The following STS variants were observed in gnomAD, a reference collection of about 807,000 sequenced individuals.
STS encodes steryl-sulfatase.
STS carries 7 observed loss-of-function variants against 26.8 expected under a neutral mutation model. The observed-to-expected ratio is 0.26, with a 90% CI of 0.15 to 0.49. The LOEUF is 0.49. Among genes scored for constraint, STS ranks in the 20% least tolerant of loss-of-function variants. The probability of loss-of-function intolerance (pLI) is 0.98; values close to 1 mark genes in which losing one functional copy is unlikely to be tolerated. For missense variants in STS, 434 were observed against 465.6 expected, an observed-to-expected ratio of 0.93 and a Z score of 0.63; for synonymous variants, 199 against 189.4, an observed-to-expected ratio of 1.05 and a Z score of -0.42.
At chrX:7,299,507 T>C (rs1455835967) in intron 7 of STS, among the ~76,000 whole-genome samples, 1 of 106,539 alleles carries the variant, frequency 9.4e-6, no homozygotes, top group African/African-American at 3.4e-5. Context: ...ATAAAACATA[T>C]CTATGTTATA....
intron 1 of STS, among the ~76,000 whole-genome samples, chrX:7,181,120 A>C (rs778177392): frequency 1.8e-5 from 2 of 112,273 alleles, no homozygotes; most frequent in South Asian, 3.7e-4. Context: ...GTAGTCCTTA[A>C]CCACTTACAC....
At chrX:7,215,086 C>T (rs1296760863) in intron 2 of STS, among the ~76,000 whole-genome samples, 4 of 83,508 alleles carry the variant, frequency 4.8e-5, no homozygotes, top group Admixed American at 4.5e-4. Context: ...TATATGTATA[C>T]GTATATATGT....
At chrX:7,204,757 C>G (rs1934164501) in intron 2 of STS, among the ~76,000 whole-genome samples, 1 of 102,883 alleles carries the variant, frequency 9.7e-6, no homozygotes, top group Non-Finnish European at 2.0e-5. Context: ...TTTCTTCCCT[C>G]TCTCTCCCTC....
intron 9 of STS, among the ~76,000 whole-genome samples, chrX:7,326,935 C>T (rs1927506338): frequency 8.9e-6 from 1 of 111,943 alleles, no homozygotes; most frequent in Admixed American, 9.5e-5. Flanking sequence ...GACACACACA[C>T]CAATGAGAAA....
In STS at chrX:7,324,592, TACAA is replaced by T. The variant is rs1265281717; in HGVS notation, c.1082-743_1082-740del. ...ATCTGTCGTGTTGGTATCTTATGGCTACAAACAGTCTGTTTTGTCAGTCTTAAGG... is the reference window on the plus strand; with the variant it reads ...ATCTGTCGTGTTGGTATCTTATGGCTACAGTCTGTTTTGTCAGTCTTAAGG... On this transcript the variant is annotated intron_variant, in intron 8 of 10. Transcript: ENST00000674429. 5.4e-5 allele frequency among the ~76,000 whole-genome samples: 6 copies of T among 111,717 alleles called. No homozygotes were observed. In the East Asian group the frequency reaches 1.7e-3, roughly 32 times the overall value.
At chrX:7,209,922 A>G (rs1370557605) in intron 2 of STS, among the ~76,000 whole-genome samples, 3 of 111,430 alleles carry the variant, frequency 2.7e-5, no homozygotes, top group African/African-American at 6.5e-5. Flanking sequence ...GACGGCTTCC[A>G]GCTTCACCTG....
chrX:7,323,014 A>G (rs773693300), intron 8 of STS, among the ~76,000 whole-genome samples: 24 of 111,948 alleles, frequency 2.1e-4, no homozygotes, highest in Non-Finnish European at 3.9e-4. Flanking sequence ...AAATAATACC[A>G]ACGAAGATAA....
intron 8 of STS, among the ~76,000 whole-genome samples, chrX:7,308,836 A>G (rs1299033377): frequency 1.8e-5 from 2 of 111,554 alleles, no homozygotes; most frequent in African/African-American, 6.5e-5. Context: ...TAGGCTTCTG[A>G]GTGTCAAGTG....
At chrX:7,221,466 T>A (rs776416387) in intron 2 of STS, among the ~76,000 whole-genome samples, 1 of 112,232 alleles carries the variant, frequency 8.9e-6, no homozygotes, top group East Asian at 2.8e-4. Flanking sequence ...TTAGATGCTG[T>A]AACACATGAT....
chrX:7,194,501 C>T (rs141393839), intron 2 of STS, among the ~76,000 whole-genome samples: 1 of 111,254 alleles, frequency 9.0e-6, no homozygotes, highest in Non-Finnish European at 1.9e-5. Flanking sequence ...ATGCAGGTCC[C>T]TCCCACAAGT....
At chrX:7,201,224 AGATT>A (rs1482930128) in intron 2 of STS, among the ~76,000 whole-genome samples, 1 of 111,683 alleles carries the variant, frequency 9.0e-6, no homozygotes, top group Non-Finnish European at 1.9e-5. Context: ...ATAGATATCT[AGATT>A]GATATATAGG....
intron 8 of STS, among the ~76,000 whole-genome samples, chrX:7,317,530 G>A (rs1204747372): frequency 4.5e-5 from 5 of 111,654 alleles, no homozygotes; most frequent in Admixed American, 9.5e-5. Context: ...GTGCAGTGGC[G>A]TGATCACAGC....
intron 2 of STS, among the ~76,000 whole-genome samples, chrX:7,194,545 G>A (rs901091186): frequency 4.1e-4 from 45 of 110,944 alleles, no homozygotes; most frequent in African/African-American, 1.4e-3. Flanking sequence ...TTTTACAAAG[G>A]TGGTTTTGGT....
chrX:7,277,799 C>G (rs1360316656), intron 7 of STS, among the ~76,000 whole-genome samples: 1 of 112,196 alleles, frequency 8.9e-6, no homozygotes, highest in African/African-American at 3.2e-5. Flanking sequence ...AAGCCTGCCT[C>G]CTTTTATTTT....
chrX:7,148,196 T>C, intron 1 of STS, 113 bp downstream of exon 1: 3 of 613,183 alleles, frequency 4.9e-6, no homozygotes, highest in Non-Finnish European at 7.0e-6. Context: ...CTGAGGACCT[T>C]CTCGCGCGCC....
chrX:7,194,775 T>C (rs930715109), intron 2 of STS, among the ~76,000 whole-genome samples: 2 of 112,042 alleles, frequency 1.8e-5, no homozygotes, highest in African/African-American at 6.5e-5. Flanking sequence ...ATTGCTTTGT[T>C]ACGTGATACA....
At chrX:7,199,284 C>T (rs1339877703) in intron 2 of STS, among the ~76,000 whole-genome samples, 1 of 111,337 alleles carries the variant, frequency 9.0e-6, no homozygotes, top group Non-Finnish European at 1.9e-5. Context: ...AATGAAGTGT[C>T]CAAAATTAGA....
intron 1 of STS, among the ~76,000 whole-genome samples, chrX:7,162,409 A>G (rs1484543712): frequency 9.0e-6 from 1 of 111,611 alleles, no homozygotes; most frequent in East Asian, 2.8e-4. Context: ...GCACAGGGCT[A>G]ATTAGGAGAA....
intron 1 of STS, among the ~76,000 whole-genome samples, chrX:7,171,619 G>A (rs1425820414): frequency 8.9e-6 from 1 of 111,805 alleles, no homozygotes; most frequent in Non-Finnish European, 1.9e-5. Context: ...ATGAGATTTG[G>A]GATTTTATTA....
Sources: gnomAD v4.1 joint callset for allele counts (sites outside exome capture counted in the v4.1 genomes callset) on GRCh38, gnomAD v4.1.1 for gene constraint, MANE v1.5 for transcripts, NCBI Gene and HGNC (gene_info 2026-07-23, HGNC 2026-07-21) for gene names.